The following ULK4 variants were observed in gnomAD, a reference collection of about 807,000 sequenced individuals.
ULK4 encodes the protein unc-51 like kinase 4.
A neutral mutation model predicts 160.6 loss-of-function variants in ULK4; 133 were observed. The ratio of observed to expected loss-of-function variants is 0.83; its 90% CI spans 0.72 to 0.96. ULK4 has a LOEUF of 0.96. Among genes scored for constraint, ULK4 ranks in the 40% least tolerant of loss-of-function variants. ULK4 has a pLI of 0.00. For synonymous variants in ULK4, 534 were observed against 539.8 expected (o/e 0.99, Z 0.15); for missense variants, 1,580 against 1,499.5 (o/e 1.05, Z -0.89).
chr3:41,741,382 T>C (rs893448791), intron 22 of ULK4, among the ~76,000 whole-genome samples: 12 of 151,964 alleles, frequency 7.9e-5, no homozygotes, highest in Non-Finnish European at 1.6e-4. Flanking sequence ...TCTTGCCTTT[T>C]TTCACTTATC....
intron 35 of ULK4, among the ~76,000 whole-genome samples, chr3:41,318,541 C>CTG (rs1448271039): frequency 6.6e-6 from 1 of 152,114 alleles, no homozygotes; most frequent in East Asian, 1.9e-4. Flanking sequence ...AAAAAAGGGT[C>CTG]TGTGTTTTGC....
At chr3:41,783,646 C>A (rs943291477) in intron 21 of ULK4, among the ~76,000 whole-genome samples, 1 of 152,134 alleles carries the variant, frequency 6.6e-6, no homozygotes, top group South Asian at 2.1e-4. Context: ...GCAACAGGGG[C>A]TACAGGTGCA....
At chr3:41,566,151 C>T (rs1406319135) in intron 31 of ULK4, 21 bp from the exon 32 acceptor site, 11 of 1,578,958 alleles carry the variant, frequency 7.0e-6, no homozygotes, top group Non-Finnish European at 9.6e-6. Context: ...TCATAATTTC[C>T]ATCATAACCA....
chr3:41,508,077 C>T (rs1170667594), intron 32 of ULK4, among the ~76,000 whole-genome samples: 1 of 152,306 alleles, frequency 6.6e-6, no homozygotes, highest in Non-Finnish European at 1.5e-5. Context: ...CTACTAGAGT[C>T]GGTGCCGCTG....
At chr3:41,327,533 C>T (rs1162790326) in intron 35 of ULK4, among the ~76,000 whole-genome samples, 1 of 152,136 alleles carries the variant, frequency 6.6e-6, no homozygotes. Flanking sequence ...TTCCAAATTC[C>T]TGATTATTAA....
chr3:41,325,935 T>C (rs1362461733), intron 35 of ULK4, among the ~76,000 whole-genome samples: 1 of 151,648 alleles, frequency 6.6e-6, no homozygotes, highest in Non-Finnish European at 1.5e-5. Context: ...AATAAATAAA[T>C]AAGTAATAGA....
chr3:41,810,636 G>A (rs572195187), intron 19 of ULK4, among the ~76,000 whole-genome samples: 1 of 152,268 alleles, frequency 6.6e-6, no homozygotes, highest in South Asian at 2.1e-4. Context: ...GCAACTTAAT[G>A]AGACCCTATC....
chr3:41,776,386 T>G (rs1175318021), intron 21 of ULK4, among the ~76,000 whole-genome samples: 1 of 150,880 alleles, frequency 6.6e-6, no homozygotes, highest in Admixed American at 6.6e-5. Flanking sequence ...AATTTTCTTT[T>G]AAGTTTTTTT....
intron 22 of ULK4, among the ~76,000 whole-genome samples, chr3:41,749,000 T>C (rs1218545299): frequency 1.3e-5 from 2 of 152,148 alleles, no homozygotes; most frequent in African/African-American, 2.4e-5. Flanking sequence ...CAAACACTAA[T>C]CTAGATACTT....
At position 41,619,252 on chromosome 3, in the gene ULK4, A is replaced by G. The variant is rs139911690; in HGVS notation, c.3072-3535T>C. Among the ~76,000 whole-genome samples the G allele has an allele frequency of 1.5e-3, 225 of 152,252 alleles. 4 individuals are homozygous for G. In the East Asian group the frequency reaches 0.041, roughly 28 times the overall value. ...ATTAACAAGGATATTCAGGACTTGA[A>G]CTCAGCTCTGGACCAAGTGGACCTA... On this transcript the variant is annotated intron_variant, in intron 30 of 36. Coordinates refer to ENST00000301831, the MANE Select transcript of ULK4 (RefSeq NM_017886.4).
intron 5 of ULK4, among the ~76,000 whole-genome samples, chr3:41,927,034 A>G (rs111577176): frequency 8.8e-4 from 134 of 152,304 alleles, no homozygotes; most frequent in Middle Eastern, 3.4e-3. Flanking sequence ...AGGAACCCCA[A>G]GACACATAAT....
At chr3:41,604,256 G>C (rs2032259970) in intron 31 of ULK4, among the ~76,000 whole-genome samples, 1 of 152,062 alleles carries the variant, frequency 6.6e-6, no homozygotes, top group Non-Finnish European at 1.5e-5. Flanking sequence ...CGAGGCGAGA[G>C]AGGCAACCAT....
intron 17 of ULK4, among the ~76,000 whole-genome samples, chr3:41,852,472 ATCT>A (rs1217191240): frequency 6.6e-6 from 1 of 152,198 alleles, no homozygotes; most frequent in Admixed American, 6.5e-5. Flanking sequence ...AGCAGACAAA[ATCT>A]TCTGCATATT....
intron 35 of ULK4, among the ~76,000 whole-genome samples, chr3:41,373,885 G>A (rs567307766): frequency 2.6e-4 from 39 of 152,150 alleles, no homozygotes; most frequent in Middle Eastern, 3.4e-3. Flanking sequence ...CAGATGGACC[G>A]CTAGCCAGAC....
intron 18 of ULK4, 122 bp from the exon 19 acceptor site, chr3:41,819,628 G>C: frequency 1.4e-6 from 1 of 740,096 alleles, no homozygotes; most frequent in African/African-American, 1.8e-5. Flanking sequence ...TCTATTTAAA[G>C]TATTACTTAC....
At chr3:41,457,757 GTC>G (rs1317888581) in intron 33 of ULK4, among the ~76,000 whole-genome samples, 1 of 152,124 alleles carries the variant, frequency 6.6e-6, no homozygotes, top group Non-Finnish European at 1.5e-5. Flanking sequence ...CATCATGACT[GTC>G]TGCTCCATCC....
At position 41,566,033 on chromosome 3, in the gene ULK4, T is replaced by C; in HGVS notation, c.3218A>G (p.Tyr1073Cys). Reference protein sequence around the residue: ...ACKDSNMELLYEQGLVSHICN... With the variant: ...ACKDSNMELLCEQGLVSHICN... ...TTCTATGAGGCATTTACCTTGTTCA[T>C]AAAGTAGTTCCATATTCGAATCTTT... The change falls in exon 32 of 37, where the codon TAT (tyrosine) becomes TGT (cysteine). Residue 1073 changes from tyrosine to cysteine, a missense_variant. Tyr to Cys is a radical substitution (Grantham distance 194, BLOSUM62 -2). Coordinates refer to ENST00000301831, the MANE Select transcript of ULK4 (RefSeq NM_017886.4). 1 of 1,613,354 alleles carries C rather than the reference T, an allele frequency of 6.2e-7. No individual in the cohort carries two copies. Among genetic ancestry groups the C allele is most frequent in the Non-Finnish European group, 8.5e-7 (1 of 1,179,544 alleles).
intron 34 of ULK4, among the ~76,000 whole-genome samples, chr3:41,419,756 T>C (rs2082616812): frequency 6.6e-6 from 1 of 152,140 alleles, no homozygotes; most frequent in Non-Finnish European, 1.5e-5. Context: ...CTGCTTGTTC[T>C]CTGGCATGCA....
At chr3:41,497,254 A>G (rs2085026707) in intron 32 of ULK4, among the ~76,000 whole-genome samples, 1 of 152,124 alleles carries the variant, frequency 6.6e-6, no homozygotes, top group African/African-American at 2.4e-5. Flanking sequence ...TGGGATGAAG[A>G]GCAGACTAGA....
Sources: allele counts gnomAD v4.1 joint callset (sites outside exome capture counted in the v4.1 genomes callset), GRCh38; gene constraint gnomAD v4.1.1; transcripts MANE v1.5; gene names NCBI Gene and HGNC (gene_info 2026-07-23, HGNC 2026-07-21).